CNOT10: variants seen among roughly 807,000 people sequenced by gnomAD.
CNOT10 encodes CCR4-NOT transcription complex subunit 10.
In CNOT10, 30 loss-of-function variants were observed where a neutral mutation model predicts 94.6. The ratio of observed to expected loss-of-function variants is 0.32; its 90% CI spans 0.24 to 0.43. The LOEUF (loss-of-function observed/expected upper bound fraction) is 0.43. CNOT10 is among the 20% of genes least tolerant of loss of function. The probability of loss-of-function intolerance (pLI) is 1.00; values close to 1 mark genes in which losing one functional copy is unlikely to be tolerated. For synonymous variants in CNOT10, 289 were observed against 301.6 expected, an observed-to-expected ratio of 0.96 and a Z score of 0.43; for missense variants, 759 against 877.2, an observed-to-expected ratio of 0.87 and a Z score of 1.70.
rs374053568 is a variant in CNOT10, at chr3:32,742,695, T to C, written c.1595+5205T>C. Among the ~76,000 whole-genome samples, 21 of 152,310 alleles carry C rather than the reference T, an allele frequency of 1.4e-4. No homozygotes were observed. The East Asian group carries it at 1.9e-3, about 14-fold the overall frequency. ...CCGCATCTGTCCTTTACCAGTAATTTTGTAGTCTGTAAACTGCTCTGTACC... is the reference window on the plus strand; with the variant it reads ...CCGCATCTGTCCTTTACCAGTAATTCTGTAGTCTGTAAACTGCTCTGTACC... On this transcript the variant is annotated intron_variant, in intron 13 of 18. Transcript: ENST00000328834.
At chr3:32,754,623 A>C (rs1298209210) in intron 13 of CNOT10, among the ~76,000 whole-genome samples, 2 of 137,352 alleles carry the variant, frequency 1.5e-5, no homozygotes, top group African/African-American at 2.8e-5. Flanking sequence ...GGGTTCAAGC[A>C]ATTCTTCTGC....
chr3:32,741,024 A>G (rs1699439162), intron 13 of CNOT10, among the ~76,000 whole-genome samples: 1 of 152,012 alleles, frequency 6.6e-6, no homozygotes. Flanking sequence ...TTTTATTACT[A>G]CGAAAGATCC....
intron 4 of CNOT10, among the ~76,000 whole-genome samples, chr3:32,709,805 GCTT>G (rs1204854260): frequency 2.0e-5 from 3 of 152,142 alleles, no homozygotes; most frequent in Non-Finnish European, 2.9e-5. Context: ...TGTTATTGAT[GCTT>G]CTTAGAATTT....
intron 8 of CNOT10, among the ~76,000 whole-genome samples, chr3:32,720,934 C>T (rs1351057808): frequency 2.3e-5 from 3 of 130,478 alleles, no homozygotes; most frequent in Non-Finnish European, 4.8e-5. Context: ...TTCCTTCCTT[C>T]CCTTCTTCCC....
At chr3:32,761,638 C>T (rs1372686740) in intron 14 of CNOT10, among the ~76,000 whole-genome samples, 3 of 151,788 alleles carry the variant, frequency 2.0e-5, no homozygotes, top group Non-Finnish European at 2.9e-5. Context: ...TCACTGCAAC[C>T]TCTGCCTCCC....
At chr3:32,713,801 C>T (rs1697994130) in intron 5 of CNOT10, among the ~76,000 whole-genome samples, 1 of 152,174 alleles carries the variant, frequency 6.6e-6, no homozygotes, top group South Asian at 2.1e-4. Context: ...TTTCAAGCTT[C>T]ATCCATATTT....
intron 13 of CNOT10, among the ~76,000 whole-genome samples, chr3:32,741,783 A>C (rs1231683744): frequency 6.6e-6 from 1 of 151,102 alleles, no homozygotes; most frequent in Non-Finnish European, 1.5e-5. Context: ...AAAAAAAAAA[A>C]CAGAAGAAAA....
intron 13 of CNOT10, among the ~76,000 whole-genome samples, chr3:32,757,496 G>A (rs941782107): frequency 6.6e-6 from 1 of 152,132 alleles, no homozygotes; most frequent in Non-Finnish European, 1.5e-5. Flanking sequence ...GTCTTCTTGA[G>A]CCTCCGGAGA....
At chr3:32,735,995 T>C (rs1280590756) in intron 12 of CNOT10, among the ~76,000 whole-genome samples, 3 of 152,154 alleles carry the variant, frequency 2.0e-5, no homozygotes, top group African/African-American at 7.2e-5. Context: ...GGGAGAACTT[T>C]TGGTAAGGAC....
intron 13 of CNOT10, chr3:32,753,639 A>C: frequency 6.4e-7 from 1 of 1,571,904 alleles, no homozygotes; most frequent in Non-Finnish European, 8.7e-7. Context: ...ACCTACATCC[A>C]TCATCATCTC....
chr3:32,708,570 A>G, intron 3 of CNOT10, 100 bp from the exon 4 acceptor site: 4 of 967,334 alleles, frequency 4.1e-6, no homozygotes, highest in Non-Finnish European at 6.2e-6. Context: ...ATTCAGAATA[A>G]GAATGTTGGC....
At chr3:32,700,233 C>T (rs556869516) in intron 1 of CNOT10, among the ~76,000 whole-genome samples, 17 of 152,242 alleles carry the variant, frequency 1.1e-4, no homozygotes, top group African/African-American at 3.9e-4. Flanking sequence ...GCCTCGGCCT[C>T]CCAAAGTGCT....
At position 32,759,463 on chromosome 3, in the gene CNOT10, C is replaced by G. The variant is rs1241477965; in HGVS notation, c.1601C>G (p.Ser534Cys). Residue 534 changes from serine (S) to cysteine (C), a missense_variant, in exon 14 of 19, where the codon TCC becomes TGC. Physicochemically the swap from Ser to Cys is moderately radical, Grantham distance 112. Around this residue, in one of 3 missense-constraint regions of CNOT10, gnomAD observed 682 missense variants for 799.4 expected, o/e 0.85. Coordinates refer to ENST00000328834, the MANE Select transcript of CNOT10 (RefSeq NM_015442.3). ...CCTTCCCTTTTGTGTTATAGGTGCT[C>G]CATACTTGCTTGCAGTGCCTACGTG... is the stretch of plus-strand genomic sequence containing the variant. Reference protein sequence around the residue: ...RKQELENLKCSILACSAYVAL... With the variant: ...RKQELENLKCCILACSAYVAL... 1.2e-6 allele frequency: 2 copies of G among 1,612,262 alleles called. No homozygotes were observed.
intron 15 of CNOT10, 108 bp from the exon 16 acceptor site, chr3:32,764,347 A>G: frequency 8.3e-7 from 1 of 1,200,094 alleles, no homozygotes; most frequent in Non-Finnish European, 1.2e-6. Context: ...AAAAAAAAAA[A>G]AAAGAAAAGA....
chr3:32,749,091 G>T (rs1699845882), intron 13 of CNOT10, among the ~76,000 whole-genome samples: 1 of 152,138 alleles, frequency 6.6e-6, no homozygotes, highest in Non-Finnish European at 1.5e-5. Flanking sequence ...CAAAGTGCTG[G>T]GATTACAGGC....
chr3:32,726,701 A>G (rs866596151), intron 9 of CNOT10, among the ~76,000 whole-genome samples: 3 of 47,376 alleles, frequency 6.3e-5, no homozygotes, highest in Non-Finnish European at 1.3e-4. Flanking sequence ...GTCCATAATA[A>G]TAATAATAAT....
At chr3:32,768,658 A>G (rs1350581682) in intron 17 of CNOT10, among the ~76,000 whole-genome samples, 1 of 152,194 alleles carries the variant, frequency 6.6e-6, no homozygotes. Flanking sequence ...AGGCTTAGAT[A>G]TATAAAATCT....
At chr3:32,689,334 CAA>C (rs1268919470) in intron 1 of CNOT10, among the ~76,000 whole-genome samples, 1 of 119,844 alleles carries the variant, frequency 8.3e-6, no homozygotes, top group Non-Finnish European at 1.7e-5. Context: ...GCCTGGGCAA[CAA>C]GAGCAAAACA....
chr3:32,753,143 A>G, intron 13 of CNOT10: 1 of 596,818 alleles, frequency 1.7e-6, no homozygotes, highest in Non-Finnish European at 3.2e-6. Flanking sequence ...AAATAATTCC[A>G]CCACTATGTT....
Sources: gnomAD v4.1 joint callset for allele counts (sites outside exome capture counted in the v4.1 genomes callset) on GRCh38, gnomAD v4.1.1 for gene constraint, gnomAD v4.1.1 regional missense constraint, MANE v1.5 for transcripts, NCBI Gene and HGNC (gene_info 2026-07-23, HGNC 2026-07-21) for gene names.